The following RSU1 variants were observed in gnomAD, a reference collection of about 807,000 sequenced individuals.
The protein encoded by RSU1 is Ras suppressor protein 1, also known as rsu-1.
Under a neutral mutation model 31.1 loss-of-function variants are expected in RSU1, and 26 were observed. That is an observed-to-expected ratio of 0.84 (90% CI 0.61 to 1.16). The LOEUF (loss-of-function observed/expected upper bound fraction) is 1.16. RSU1 is among the 50% of genes most tolerant of loss of function. The pLI, the probability that RSU1 is intolerant of heterozygous loss-of-function variation, is 0.00. For synonymous variants in RSU1, 164 were observed against 136.3 expected, an observed-to-expected ratio of 1.20 and a Z score of -1.41; for missense variants, 320 against 339.1, an observed-to-expected ratio of 0.94 and a Z score of 0.44.
chr10:16,654,688 A>C (rs573441532), intron 8 of RSU1, among the ~76,000 whole-genome samples: 9 of 152,036 alleles, frequency 5.9e-5, no homozygotes, highest in African/African-American at 2.2e-4. Context: ...AACAAAAAAA[A>C]AAAAAAAGGA....
intron 7 of RSU1, among the ~76,000 whole-genome samples, chr10:16,724,568 A>G (rs1477097283): frequency 2.6e-5 from 4 of 152,270 alleles, no homozygotes; most frequent in African/African-American, 9.6e-5. Flanking sequence ...AAGGGGCAGC[A>G]GTGGGTATCC....
At chr10:16,697,661 TA>T (rs577823354) in intron 7 of RSU1, among the ~76,000 whole-genome samples, 146 of 126,958 alleles carry the variant, frequency 1.1e-3, no homozygotes, top group Admixed American at 1.3e-3. Flanking sequence ...AAGACTGTCT[TA>T]AAAAAAAAAA....
At chr10:16,784,279 G>C (rs1374340313) in intron 2 of RSU1, among the ~76,000 whole-genome samples, 1 of 151,270 alleles carries the variant, frequency 6.6e-6, no homozygotes, top group Non-Finnish European at 1.5e-5. Context: ...ATTTTGTTTT[G>C]TTTTTAGAAA....
At chr10:16,696,938 A>C (rs187995624) in intron 7 of RSU1, among the ~76,000 whole-genome samples, 101 of 152,204 alleles carry the variant, frequency 6.6e-4, no homozygotes, top group Non-Finnish European at 9.1e-4. Context: ...TTCCTCTTAA[A>C]ATCTAGTTTG....
At chr10:16,742,120 A>G (rs1355940285) in intron 7 of RSU1, among the ~76,000 whole-genome samples, 1 of 152,220 alleles carries the variant, frequency 6.6e-6, no homozygotes, top group African/African-American at 2.4e-5. Flanking sequence ...TAGGCGTGTT[A>G]AAATCACTCT....
chr10:16,748,604 T>C (rs1706256251), intron 7 of RSU1, among the ~76,000 whole-genome samples: 3 of 152,188 alleles, frequency 2.0e-5, no homozygotes, highest in South Asian at 4.1e-4. Flanking sequence ...TCGGACAATG[T>C]CCTACCAGTT....
At chr10:16,771,440 G>T (rs1837422848) in intron 3 of RSU1, among the ~76,000 whole-genome samples, 1 of 152,158 alleles carries the variant, frequency 6.6e-6, no homozygotes, top group Admixed American at 6.5e-5. Context: ...AATAACTGGA[G>T]AACATGAGTC....
intron 7 of RSU1, among the ~76,000 whole-genome samples, chr10:16,750,004 T>C (rs1220371217): frequency 6.6e-6 from 1 of 152,188 alleles, no homozygotes; most frequent in East Asian, 1.9e-4. Context: ...CCCCACAGAC[T>C]TGTCAGCAAC....
chr10:16,696,634 A>T (rs1835681329), intron 7 of RSU1, among the ~76,000 whole-genome samples: 1 of 152,208 alleles, frequency 6.6e-6, no homozygotes, highest in Non-Finnish European at 1.5e-5. Flanking sequence ...TCTCTCCAAG[A>T]TTATCAATAT....
At chr10:16,654,547 G>T (rs922206818) in intron 8 of RSU1, among the ~76,000 whole-genome samples, 2 of 151,480 alleles carry the variant, frequency 1.3e-5, no homozygotes, top group Non-Finnish European at 2.9e-5. Context: ...GCGTGTGCCT[G>T]TAATCCCAAC....
intron 7 of RSU1, among the ~76,000 whole-genome samples, chr10:16,750,863 CTT>C (rs11296913): frequency 1.6e-3 from 225 of 139,742 alleles, no homozygotes; most frequent in African/African-American, 5.2e-3. Flanking sequence ...CAAGATCTCT[CTT>C]TTTTTTTTTT....
At chr10:16,677,857 T>C (rs1835261679) in intron 8 of RSU1, among the ~76,000 whole-genome samples, 1 of 152,158 alleles carries the variant, frequency 6.6e-6, no homozygotes. Flanking sequence ...ACACATTCTA[T>C]TAAAAGATCA....
chr10:16,803,725 T>C (rs530023980), intron 2 of RSU1, among the ~76,000 whole-genome samples: 1 of 152,142 alleles, frequency 6.6e-6, no homozygotes, highest in Admixed American at 6.5e-5. Flanking sequence ...GGCAATTCAG[T>C]GAGAAAAGGA....
chr10:16,661,113 C>T (rs1164339638), intron 8 of RSU1, among the ~76,000 whole-genome samples: 2 of 151,960 alleles, frequency 1.3e-5, no homozygotes, highest in African/African-American at 4.8e-5. Context: ...CTCTATATAG[C>T]TCACATGTAT....
At position 16,722,740 on chromosome 10, in the gene RSU1, T is replaced by A. The variant is rs939666425; in HGVS notation, c.599-27585A>T. On this transcript the variant is annotated intron_variant, in intron 7 of 8. Coordinates refer to ENST00000345264, the MANE Select transcript of RSU1 (RefSeq NM_012425.4). ...GCTATCTGTCTTAAGAGCACACTTT[T>A]TATATAACTCAAACTACATATGTGT... Among the ~76,000 whole-genome samples, 5 of 152,024 alleles carry A rather than the reference T, an allele frequency of 3.3e-5. No individual in the cohort carries two copies. In the South Asian group the frequency reaches 8.3e-4, roughly 25 times the overall value.
intron 7 of RSU1, among the ~76,000 whole-genome samples, chr10:16,702,568 C>T (rs1041705627): frequency 6.6e-6 from 1 of 152,214 alleles, no homozygotes; most frequent in African/African-American, 2.4e-5. Context: ...TTAATGACTG[C>T]CGTGCTGGGT....
At chr10:16,781,215 T>C (rs988383426) in intron 3 of RSU1, among the ~76,000 whole-genome samples, 4 of 152,126 alleles carry the variant, frequency 2.6e-5, no homozygotes, top group Non-Finnish European at 5.9e-5. Flanking sequence ...GAAAGGAGCG[T>C]GGGTCCCTGT....
intron 8 of RSU1, among the ~76,000 whole-genome samples, chr10:16,624,175 A>G (rs997790877): frequency 6.6e-6 from 1 of 151,952 alleles, no homozygotes; most frequent in Non-Finnish European, 1.5e-5. Flanking sequence ...AGCTCAGGGT[A>G]TCAGGTCCCT....
chr10:16,789,392 C>T (rs1215581866), intron 2 of RSU1, among the ~76,000 whole-genome samples: 4 of 152,112 alleles, frequency 2.6e-5, no homozygotes, highest in African/African-American at 7.2e-5. Flanking sequence ...ATATTTAGGG[C>T]AACAAAGGAC....
Sources: allele counts gnomAD v4.1 joint callset (sites outside exome capture counted in the v4.1 genomes callset), GRCh38; gene constraint gnomAD v4.1.1; transcripts MANE v1.5; gene names NCBI Gene and HGNC (gene_info 2026-07-23, HGNC 2026-07-21).